Variants in CDH12 observed in about 807,000 individuals in gnomAD.
CDH12 encodes the protein cadherin 12, also known as cadherin-12.
Under a neutral mutation model 74.1 loss-of-function variants are expected in CDH12, and 41 were observed. The ratio of observed to expected loss-of-function variants is 0.55; its 90% CI spans 0.43 to 0.72. CDH12 has a LOEUF of 0.72. Among genes scored for constraint, CDH12 ranks in the 30% least tolerant of loss-of-function variants. The pLI is 0.00. For missense variants in CDH12, 945 were observed against 977.2 expected, an observed-to-expected ratio of 0.97 and a Z score of 0.44; for synonymous variants, 399 against 355.0, an observed-to-expected ratio of 1.12 and a Z score of -1.39.
chr5:21,817,201 G>C, intron 8 of CDH12, 69 bp from the exon 9 acceptor site: 6 of 999,872 alleles, frequency 6.0e-6, no homozygotes, highest in South Asian at 3.4e-5. Flanking sequence ...TACAAGGCTT[G>C]AAAAATAGAG....
chr5:22,690,676 T>C (rs1397202098), intron 1 of CDH12, among the ~76,000 whole-genome samples: 2 of 152,016 alleles, frequency 1.3e-5, no homozygotes, highest in African/African-American at 2.4e-5. Context: ...TTCAGGAAAA[T>C]CCCTTAACTT....
chr5:22,534,035 A>C (rs1380360915), intron 1 of CDH12, among the ~76,000 whole-genome samples: 1 of 152,048 alleles, frequency 6.6e-6, no homozygotes, highest in African/African-American at 2.4e-5. Flanking sequence ...ACAATGAAAA[A>C]ATTTTTAATT....
intron 3 of CDH12, among the ~76,000 whole-genome samples, chr5:22,400,652 A>G (rs1368851894): frequency 1.3e-5 from 2 of 152,100 alleles, no homozygotes; most frequent in Non-Finnish European, 2.9e-5. Context: ...GAAATCTAAT[A>G]TATTTTATTT....
intron 6 of CDH12, among the ~76,000 whole-genome samples, chr5:21,910,095 A>C (rs2150062531): frequency 6.6e-6 from 1 of 152,272 alleles, no homozygotes; most frequent in African/African-American, 2.4e-5. Flanking sequence ...CTTAGCAGTC[A>C]TTCCCCATTT....
intron 1 of CDH12, among the ~76,000 whole-genome samples, chr5:22,640,073 C>A (rs1174948056): frequency 6.6e-6 from 1 of 152,014 alleles, no homozygotes; most frequent in Non-Finnish European, 1.5e-5. Flanking sequence ...AAAGTGGTAA[C>A]AAAATATCCC....
chr5:22,195,188 G>A (rs1580385886), intron 4 of CDH12, among the ~76,000 whole-genome samples: 1 of 152,194 alleles, frequency 6.6e-6, no homozygotes, highest in African/African-American at 2.4e-5. Context: ...CAGTGACAGG[G>A]CAATGTCAGT....
chr5:22,746,350 T>C (rs1450762311), intron 1 of CDH12, among the ~76,000 whole-genome samples: 1 of 152,178 alleles, frequency 6.6e-6, no homozygotes, highest in Non-Finnish European at 1.5e-5. Flanking sequence ...CCTTCTCACC[T>C]TCTCTTTCTA....
At chr5:22,274,036 T>A (rs1462767606) in intron 3 of CDH12, among the ~76,000 whole-genome samples, 1 of 152,172 alleles carries the variant, frequency 6.6e-6, no homozygotes, top group Non-Finnish European at 1.5e-5. Flanking sequence ...AATGAAAATA[T>A]AATATTACCT....
chr5:22,738,937 A>G (rs1409010135), intron 1 of CDH12, among the ~76,000 whole-genome samples: 1 of 152,108 alleles, frequency 6.6e-6, no homozygotes, highest in African/African-American at 2.4e-5. Context: ...TTCATATTAA[A>G]CAACTGACAT....
chr5:22,440,144 G>A (rs535960877), intron 2 of CDH12, among the ~76,000 whole-genome samples: 2 of 152,186 alleles, frequency 1.3e-5, no homozygotes, highest in African/African-American at 4.8e-5. Flanking sequence ...ATTGAGAAGT[G>A]TTAGAGGGTA....
intron 1 of CDH12, among the ~76,000 whole-genome samples, chr5:22,521,490 A>C (rs1214439550): frequency 6.6e-6 from 1 of 152,166 alleles, no homozygotes. Flanking sequence ...CAACTTCCAG[A>C]TAAGTAAAAA....
chr5:22,710,920 A>ATTATTTGTACCAAT (rs1743253846), intron 1 of CDH12, among the ~76,000 whole-genome samples: 1 of 152,124 alleles, frequency 6.6e-6, no homozygotes, highest in Non-Finnish European at 1.5e-5. Context: ...TATTGGCACA[A>ATTATTTGTACCAAT]TTATTTGTAT....
chr5:22,320,953 G>C (rs1738851481), intron 3 of CDH12, among the ~76,000 whole-genome samples: 1 of 152,104 alleles, frequency 6.6e-6, no homozygotes, highest in African/African-American at 2.4e-5. Flanking sequence ...TATATTATGA[G>C]AGGGCAAGGT....
chr5:22,817,816 T>C (rs925018344), intron 1 of CDH12, among the ~76,000 whole-genome samples: 6 of 152,190 alleles, frequency 3.9e-5, no homozygotes, highest in African/African-American at 1.4e-4. Context: ...GAGGCAATAC[T>C]GGCAATACAA....
intron 1 of CDH12, among the ~76,000 whole-genome samples, chr5:22,583,242 T>C (rs1740195084): frequency 6.6e-6 from 1 of 152,116 alleles, no homozygotes; most frequent in South Asian, 2.1e-4. Context: ...GTCACATCAG[T>C]GAAGACATAG....
At chr5:21,798,710 G>A (rs1746937694) in intron 10 of CDH12, among the ~76,000 whole-genome samples, 1 of 152,078 alleles carries the variant, frequency 6.6e-6, no homozygotes, top group South Asian at 2.1e-4. Context: ...ACAAAGACAT[G>A]ACTTTCTGCT....
intron 2 of CDH12, among the ~76,000 whole-genome samples, chr5:22,449,103 T>C (rs1043262435): frequency 6.6e-6 from 1 of 152,052 alleles, no homozygotes; most frequent in Non-Finnish European, 1.5e-5. Context: ...AATTGCTTTG[T>C]TAATTTTTTT....
rs1337332772 is a variant in CDH12 at position 22,199,901 on chromosome 5, A to G, written c.-187+12597T>C. On this transcript the variant is annotated intron_variant, in intron 4 of 14. Coordinates refer to ENST00000382254, the MANE Select transcript of CDH12 (RefSeq NM_004061.5). ...CACTTCTTTTCCTGACAAGCTATTTAAAATGTCACTTGTGCCTTGTGAAGG... is the reference window on the plus strand; with the variant it reads ...CACTTCTTTTCCTGACAAGCTATTTGAAATGTCACTTGTGCCTTGTGAAGG... 2.6e-5 allele frequency among the ~76,000 whole-genome samples: 4 copies of G among 152,352 alleles called. No individual in the cohort carries two copies. The East Asian group carries it at 7.7e-4, about 29-fold the overall frequency.
intron 6 of CDH12, among the ~76,000 whole-genome samples, chr5:21,934,803 T>C (rs1755000206): frequency 6.6e-6 from 1 of 152,120 alleles, no homozygotes; most frequent in Non-Finnish European, 1.5e-5. Flanking sequence ...TCCTTTTTTT[T>C]TGACACGGAG....
Sources: allele counts gnomAD v4.1 joint callset (sites outside exome capture counted in the v4.1 genomes callset), GRCh38; gene constraint gnomAD v4.1.1; transcripts MANE v1.5; gene names NCBI Gene and HGNC (gene_info 2026-07-23, HGNC 2026-07-21).